Variants in FRAS1 observed in about 807,000 individuals in gnomAD.
The protein encoded by FRAS1 is extracellular matrix organizing protein FRAS1.
FRAS1 carries 290 observed loss-of-function variants against 435.2 expected under a neutral mutation model. The observed-to-expected ratio is 0.67, with a 90% CI of 0.61 to 0.73. The LOEUF is 0.73. Ranked by LOEUF, FRAS1 falls within the 30% of genes least tolerant of loss-of-function variation. The pLI is 0.00. For missense variants in FRAS1, 4,860 were observed against 5,001.5 expected (o/e 0.97, Z 0.85); for synonymous variants, 1,800 against 1,851.0 (o/e 0.97, Z 0.71).
chr4:78,368,144 CA>C lies in FRAS1; in HGVS notation c.2723-1685del, dbSNP rs11413001. Among the ~76,000 whole-genome samples the C allele has an allele frequency of 3.8e-3, 555 of 147,454 alleles. 1 individual carries two copies. The highest frequency in any genetic ancestry group is 0.018 in the Middle Eastern group (5 of 284). ...GATACACCATGCATAAAAATTCTAG[CA>C]AAAAAAAAGGGATAAAAATTTGGTC... On this transcript the variant is annotated intron_variant, in intron 22 of 73. Coordinates refer to ENST00000512123, the MANE Select transcript of FRAS1 (RefSeq NM_025074.7).
chr4:78,113,275 C>G (rs900528158), intron 2 of FRAS1, among the ~76,000 whole-genome samples: 1 of 152,132 alleles, frequency 6.6e-6, no homozygotes, highest in African/African-American at 2.4e-5. Flanking sequence ...GTGAATAGTG[C>G]CGCAACAAAC....
intron 2 of FRAS1, among the ~76,000 whole-genome samples, chr4:78,158,584 A>G (rs974373893): frequency 1.3e-5 from 2 of 152,172 alleles, no homozygotes; most frequent in African/African-American, 4.8e-5. Flanking sequence ...TGCTTCAGGA[A>G]CATTCGATAA....
intron 2 of FRAS1, among the ~76,000 whole-genome samples, chr4:78,108,535 T>A (rs1404511958): frequency 3.0e-5 from 3 of 100,446 alleles, no homozygotes; most frequent in African/African-American, 1.3e-4. Flanking sequence ...GAAATAAAGA[T>A]GTTCTTTGAA....
chr4:78,456,165 A>C (rs1560738586), intron 47 of FRAS1, among the ~76,000 whole-genome samples: 1 of 14,258 alleles, frequency 7.0e-5, no homozygotes, highest in Non-Finnish European at 1.5e-4. Flanking sequence ...TTTTTTTGAG[A>C]CGGAGTCTCA....
At chr4:78,380,973 A>G (rs1161585635) in intron 27 of FRAS1, among the ~76,000 whole-genome samples, 1 of 152,188 alleles carries the variant, frequency 6.6e-6, no homozygotes, top group Non-Finnish European at 1.5e-5. Flanking sequence ...CATGTTAGGC[A>G]CTTTACATGA....
At chr4:78,246,004 G>C (rs553311504) in intron 4 of FRAS1, among the ~76,000 whole-genome samples, 1 of 152,206 alleles carries the variant, frequency 6.6e-6, no homozygotes, top group African/African-American at 2.4e-5. Flanking sequence ...TCCCCCTTTT[G>C]AGAACTACAG....
intron 58 of FRAS1, among the ~76,000 whole-genome samples, chr4:78,487,201 T>C (rs944796771): frequency 6.6e-6 from 1 of 152,162 alleles, no homozygotes; most frequent in Admixed American, 6.6e-5. Flanking sequence ...AGGCCTACAG[T>C]TGTTAATTTT....
At chr4:78,526,435 C>A in intron 69 of FRAS1, 106 bp from the exon 70 acceptor site, 1 of 668,808 alleles carries the variant, frequency 1.5e-6, no homozygotes, top group Non-Finnish European at 2.6e-6. Flanking sequence ...AGATGCTGGA[C>A]ACAAATACCA....
chr4:78,300,634 C>A (rs1314676770), intron 14 of FRAS1, among the ~76,000 whole-genome samples: 1 of 152,112 alleles, frequency 6.6e-6, no homozygotes, highest in Non-Finnish European at 1.5e-5. Flanking sequence ...TCAATCAGAT[C>A]TTGTGTCTGT....
At chr4:78,439,330 G>A (rs1734563350) in intron 40 of FRAS1, among the ~76,000 whole-genome samples, 1 of 152,068 alleles carries the variant, frequency 6.6e-6, no homozygotes, top group Non-Finnish European at 1.5e-5. Flanking sequence ...TGTTAGTACT[G>A]GGAATAAAAA....
intron 22 of FRAS1, among the ~76,000 whole-genome samples, chr4:78,365,942 G>A (rs576110437): frequency 3.4e-4 from 50 of 149,100 alleles, no homozygotes; most frequent in Non-Finnish European, 6.8e-4. Flanking sequence ...TCCAGCCTGG[G>A]TGACAGAGCA....
intron 45 of FRAS1, 30 bp from the exon 46 acceptor site, chr4:78,451,742 G>C: frequency 6.4e-7 from 1 of 1,556,686 alleles, no homozygotes; most frequent in Non-Finnish European, 8.7e-7. Flanking sequence ...AGCACTAATA[G>C]CAAATCTTGA....
At chr4:78,225,084 C>T (rs1724213360) in intron 2 of FRAS1, among the ~76,000 whole-genome samples, 1 of 152,084 alleles carries the variant, frequency 6.6e-6, no homozygotes, top group Admixed American at 6.5e-5. Context: ...TAGGATGTGT[C>T]TGGAGCACAG....
At chr4:78,283,057 T>C in intron 12 of FRAS1, 90 bp downstream of exon 12, 1 of 972,024 alleles carries the variant, frequency 1.0e-6, no homozygotes, top group Non-Finnish European at 1.4e-6. Flanking sequence ...CTTCTTTTCA[T>C]TTTTATTTTT....
intron 25 of FRAS1, among the ~76,000 whole-genome samples, 189 bp from the exon 26 acceptor site, chr4:78,375,550 C>A (rs1045734700): frequency 6.6e-6 from 1 of 152,182 alleles, no homozygotes; most frequent in Admixed American, 6.5e-5. Flanking sequence ...CATTGTGGAA[C>A]GTGAGGAGTG....
At chr4:78,150,017 T>C (rs1305731802) in intron 2 of FRAS1, among the ~76,000 whole-genome samples, 3 of 152,162 alleles carry the variant, frequency 2.0e-5, no homozygotes, top group Non-Finnish European at 4.4e-5. Flanking sequence ...AATCCTTAGA[T>C]TGGACATAAT....
At position 78,513,561 on chromosome 4, in the gene FRAS1, G is replaced by A; in HGVS notation, c.10174+9G>A. 6.2e-7 allele frequency: 1 copy of A among 1,612,404 alleles called. No individual in the cohort carries two copies. Among genetic ancestry groups the A allele is most frequent in the Non-Finnish European group, 8.5e-7 (1 of 1,179,256 alleles). On this transcript the variant is annotated intron_variant, in intron 65 of 73. Coordinates refer to ENST00000512123, the MANE Select transcript of FRAS1 (RefSeq NM_025074.7). ...CCTGAGAGGCATCTCAGGTGAGATT[G>A]ACAAGTTCAGGACTGGTCTTTCCAT...
At position 78,252,615 on chromosome 4, in the gene FRAS1, A is replaced by G. The variant is rs1247196474; in HGVS notation, c.469+64A>G. On this transcript the variant is annotated intron_variant, in intron 5 of 73. Transcript: ENST00000512123. Reference sequence around the variant, plus strand: ...GGAGGTTCACATGGCTATCGGGGGAACCAGCCCTCAATATTTCAACATAGG... The same window carrying G: ...GGAGGTTCACATGGCTATCGGGGGAGCCAGCCCTCAATATTTCAACATAGG... 2.8e-6 allele frequency: 4 copies of G among 1,428,038 alleles called. No individual in the cohort carries two copies. The Admixed American group carries it at 6.7e-5, about 24-fold the overall frequency. The allele number at this position is 1,428,038 out of a possible 1,614,324, so 88.5% of individuals were successfully genotyped here. A position where few individuals can be genotyped will look rare whatever the true frequency, so the allele number is the denominator to read the frequency against.
At chr4:78,392,529 G>A (rs1451213604) in intron 29 of FRAS1, among the ~76,000 whole-genome samples, 1 of 151,694 alleles carries the variant, frequency 6.6e-6, no homozygotes, top group Admixed American at 6.6e-5. Context: ...CATTATTTCT[G>A]GTTTGTAACA....
Sources: allele counts gnomAD v4.1 joint callset (sites outside exome capture counted in the v4.1 genomes callset), GRCh38; gene constraint gnomAD v4.1.1; transcripts MANE v1.5; gene names NCBI Gene and HGNC (gene_info 2026-07-23, HGNC 2026-07-21).